IMMP2L: variants seen among roughly 807,000 people sequenced by gnomAD.
IMMP2L encodes inner mitochondrial membrane peptidase subunit 2.
IMMP2L carries 18 observed loss-of-function variants against 19.3 expected under a neutral mutation model. That is an observed-to-expected ratio of 0.93 (90% CI 0.64 to 1.38). The LOEUF (loss-of-function observed/expected upper bound fraction) is 1.38, where lower values mean the gene tolerates loss of function less well. IMMP2L is among the 40% of genes most tolerant of loss of function. IMMP2L has a pLI of 0.00. For synonymous variants in IMMP2L, 76 were observed against 73.0 expected, an observed-to-expected ratio of 1.04 and a Z score of -0.21; for missense variants, 233 against 218.2, an observed-to-expected ratio of 1.07 and a Z score of -0.43.
chr7:111,488,248 C>A (rs904977811), intron 2 of IMMP2L, among the ~76,000 whole-genome samples: 2 of 152,098 alleles, frequency 1.3e-5, no homozygotes, highest in African/African-American at 4.8e-5. Context: ...GAGTTAAGTT[C>A]TTCAGCAGTG....
At chr7:111,004,851 T>C (rs576015391) in intron 3 of IMMP2L, among the ~76,000 whole-genome samples, 2 of 152,262 alleles carry the variant, frequency 1.3e-5, no homozygotes, top group African/African-American at 4.8e-5. Context: ...AATAACAGCA[T>C]TTGGGAATAA....
intron 5 of IMMP2L, among the ~76,000 whole-genome samples, chr7:110,804,898 G>A (rs1041216304): frequency 6.6e-6 from 1 of 152,054 alleles, no homozygotes; most frequent in African/African-American, 2.4e-5. Flanking sequence ...AGGTAAGAGA[G>A]AAACAAACCT....
chr7:110,663,809 G>A, intron 5 of IMMP2L, 88 bp from the exon 6 acceptor site: 11 of 853,088 alleles, frequency 1.3e-5, no homozygotes, highest in African/African-American at 3.5e-5. Flanking sequence ...ATTTAATCCA[G>A]GTTTAACATC....
At chr7:111,531,759 T>C (rs1342507442) in intron 1 of IMMP2L, among the ~76,000 whole-genome samples, 1 of 152,142 alleles carries the variant, frequency 6.6e-6, no homozygotes, top group Non-Finnish European at 1.5e-5. Context: ...GACTTAAATA[T>C]GTATATAAAT....
chr7:110,772,699 G>A (rs952767358), intron 5 of IMMP2L, among the ~76,000 whole-genome samples: 16 of 152,064 alleles, frequency 1.1e-4, no homozygotes, highest in African/African-American at 3.6e-4. Context: ...TCAATAGCCA[G>A]GCCCCTTGAC....
At chr7:111,417,999 CA>C (rs1423158557) in intron 3 of IMMP2L, among the ~76,000 whole-genome samples, 1 of 151,682 alleles carries the variant, frequency 6.6e-6, no homozygotes, top group East Asian at 1.9e-4. Context: ...CAGGAAAGTC[CA>C]ATTTATCTTT....
chr7:110,876,265 A>T (rs1809056290), intron 5 of IMMP2L, among the ~76,000 whole-genome samples: 1 of 151,966 alleles, frequency 6.6e-6, no homozygotes, highest in Non-Finnish European at 1.5e-5. Context: ...AATTGTCTAT[A>T]CCTTTTGAAA....
At chr7:111,145,232 A>AGAT (rs1803338854) in intron 3 of IMMP2L, among the ~76,000 whole-genome samples, 1 of 152,140 alleles carries the variant, frequency 6.6e-6, no homozygotes, top group Non-Finnish European at 1.5e-5. Flanking sequence ...AGCAAGAAGC[A>AGAT]GCTTTGTGAA....
intron 3 of IMMP2L, among the ~76,000 whole-genome samples, chr7:111,254,701 A>G (rs540880188): frequency 6.6e-5 from 10 of 152,236 alleles, no homozygotes; most frequent in African/African-American, 2.4e-4. Flanking sequence ...GACCACCCAC[A>G]TATAACTAAA....
chr7:111,016,607 A>ATAT (rs1415192548), intron 3 of IMMP2L, among the ~76,000 whole-genome samples: 2 of 110,204 alleles, frequency 1.8e-5, no homozygotes, highest in Non-Finnish European at 1.6e-5. Flanking sequence ...ACTATATATT[A>ATAT]TATATAATAT....
intron 3 of IMMP2L, among the ~76,000 whole-genome samples, chr7:111,374,771 AAAC>A (rs1172311658): frequency 1.3e-5 from 2 of 152,138 alleles, no homozygotes; most frequent in Non-Finnish European, 2.9e-5. Context: ...CCAAGTGAGA[AAAC>A]AAAGTGTTGA....
chr7:111,214,197 AT>A (rs1038523175), intron 3 of IMMP2L, among the ~76,000 whole-genome samples: 23 of 152,150 alleles, frequency 1.5e-4, no homozygotes, highest in African/African-American at 5.5e-4. Flanking sequence ...CTCAAAACAA[AT>A]TTCATGTTTA....
chr7:110,927,924 A>G (rs189651288), intron 4 of IMMP2L, among the ~76,000 whole-genome samples: 1 of 152,198 alleles, frequency 6.6e-6, no homozygotes. Context: ...GCCAGTAGGA[A>G]GCTCACTTTG....
At position 111,068,532 on chromosome 7, in the gene IMMP2L, G is replaced by A. The variant is rs549146407; in HGVS notation, c.240-104967C>T. On this transcript the variant is annotated intron_variant, in intron 3 of 5. Transcript: ENST00000405709. ...GTGGGGGAAGTGAGAAAAAGCTCAA[G>A]ATGTAGGGTTTAAAATTTAGCAAAC... 3.3e-4 allele frequency among the ~76,000 whole-genome samples: 50 copies of A among 152,114 alleles called. 1 individual carries two copies. Among genetic ancestry groups the A allele is most frequent in the Non-Finnish European group, 5.1e-4 (35 of 68,006 alleles).
intron 2 of IMMP2L, among the ~76,000 whole-genome samples, chr7:111,493,425 G>A (rs1208508856): frequency 2.0e-5 from 3 of 152,208 alleles, no homozygotes; most frequent in South Asian, 2.1e-4. Context: ...AAAACAGGCC[G>A]GGCGCAGTGG....
intron 4 of IMMP2L, among the ~76,000 whole-genome samples, chr7:110,913,148 G>A (rs1031951766): frequency 1.3e-5 from 2 of 152,082 alleles, no homozygotes; most frequent in African/African-American, 2.4e-5. Flanking sequence ...AATTAGTTAA[G>A]AGGAAAATAG....
chr7:111,502,372 G>C (rs531964225), intron 2 of IMMP2L, among the ~76,000 whole-genome samples: 1 of 152,188 alleles, frequency 6.6e-6, no homozygotes, highest in South Asian at 2.1e-4. Flanking sequence ...ATAATAATGG[G>C]AGACTTTAAC....
chr7:110,788,985 G>T (rs2131134348), intron 5 of IMMP2L, among the ~76,000 whole-genome samples: 1 of 151,910 alleles, frequency 6.6e-6, no homozygotes, highest in South Asian at 2.1e-4. Context: ...GTCAGTCTTG[G>T]AACTTAGCTG....
intron 5 of IMMP2L, among the ~76,000 whole-genome samples, chr7:110,882,040 C>T (rs1809693743): frequency 2.6e-5 from 4 of 152,110 alleles, no homozygotes; most frequent in African/African-American, 9.7e-5. Context: ...GATTGTCTCC[C>T]TCCCTTCCAT....
Sources: gnomAD v4.1 joint callset for allele counts (sites outside exome capture counted in the v4.1 genomes callset) on GRCh38, gnomAD v4.1.1 for gene constraint, MANE v1.5 for transcripts, NCBI Gene and HGNC (gene_info 2026-07-23, HGNC 2026-07-21) for gene names.